The following NALF1 variants were observed in gnomAD, a reference collection of about 807,000 sequenced individuals.
The protein encoded by NALF1 is NALCN channel auxiliary factor 1.
Under a neutral mutation model 48.4 loss-of-function variants are expected in NALF1, and 3 were observed. That is an observed-to-expected ratio of 0.06 (90% confidence interval 0.03 to 0.16). The LOEUF (loss-of-function observed/expected upper bound fraction) is 0.16, where lower values mean the gene tolerates loss of function less well. NALF1 is among the 10% of genes least tolerant of loss of function. The pLI is 1.00. For missense variants in NALF1, 526 were observed against 571.5 expected (o/e 0.92, Z 0.81); for synonymous variants, 262 against 245.7 (o/e 1.07, Z -0.62).
intron 1 of NALF1, among the ~76,000 whole-genome samples, chr13:107,692,507 T>G (rs1257446949): frequency 6.6e-6 from 1 of 152,194 alleles, no homozygotes; most frequent in Non-Finnish European, 1.5e-5. Flanking sequence ...TATGCCAATC[T>G]GGCCCAGCTT....
At chr13:107,693,334 GGGC>G (rs1881612086) in intron 1 of NALF1, among the ~76,000 whole-genome samples, 1 of 124,174 alleles carries the variant, frequency 8.1e-6, no homozygotes, top group South Asian at 2.8e-4. Flanking sequence ...AGGGTAGGGG[GGGC>G]GGGAGGGATA....
At chr13:107,454,208 T>C (rs1445415594) in intron 1 of NALF1, among the ~76,000 whole-genome samples, 2 of 152,164 alleles carry the variant, frequency 1.3e-5, no homozygotes, top group South Asian at 2.1e-4. Context: ...CGGGTATCTT[T>C]ATAGTAGCAC....
chr13:107,866,561 G>T lies in NALF1; in HGVS notation c.36C>A (p.Asp12Glu), dbSNP rs147671709. Residue 12 changes from aspartate (D) to glutamate (E), a missense_variant, in exon 1 of 3, where the codon GAC (aspartate) becomes GAA (glutamate). Asp to Glu is a conservative substitution (Grantham distance 45). Transcript: ENST00000375915. This position sits in a 1 kb window ranked among gnomAD's most constrained non-coding sequence, Gnocchi z 4.4. ...CTGCCAACCAGATTTTTAAGCCGTC[G>T]TCATACTGCCGACACATCCAAGCAC... ...TRGAWMCRQY[D>E]DGLKIWLAAP... 1.2e-6 allele frequency: 2 copies of T among 1,611,660 alleles called. No homozygotes were observed. The highest frequency in any genetic ancestry group is 1.7e-6 in the Non-Finnish European group (2 of 1,179,886).
At chr13:107,828,961 A>C (rs1345495137) in intron 1 of NALF1, among the ~76,000 whole-genome samples, 1 of 152,164 alleles carries the variant, frequency 6.6e-6, no homozygotes, top group East Asian at 1.9e-4. Flanking sequence ...GATTATGTGC[A>C]CTGTTTTATT....
At chr13:107,590,419 T>C (rs547837167) in intron 1 of NALF1, among the ~76,000 whole-genome samples, 1 of 152,144 alleles carries the variant, frequency 6.6e-6, no homozygotes, top group Middle Eastern at 3.4e-3. Context: ...CTCAACAAGT[T>C]TGTCCATTGG....
chr13:107,855,599 C>G (rs1880423877), intron 1 of NALF1, among the ~76,000 whole-genome samples: 1 of 152,110 alleles, frequency 6.6e-6, no homozygotes, highest in Non-Finnish European at 1.5e-5. Context: ...CCCTCTAAAA[C>G]AAAAACAAAA....
At chr13:107,296,296 AT>A (rs755128415) in intron 1 of NALF1, among the ~76,000 whole-genome samples, 1 of 152,234 alleles carries the variant, frequency 6.6e-6, no homozygotes. Flanking sequence ...TTTCAAATGT[AT>A]CAGAATAATA....
rs151205853 is a variant in NALF1 at position 107,546,034 on chromosome 13, A to G, written c.915+319648T>C. Among the ~76,000 whole-genome samples, 7 of 152,142 alleles carry G rather than the reference A, an allele frequency of 4.6e-5. No individual in the cohort carries two copies. The East Asian group carries it at 1.4e-3, about 30-fold the overall frequency. On this transcript the variant is annotated intron_variant, in intron 1 of 2. Coordinates refer to ENST00000375915, the MANE Select transcript of NALF1 (RefSeq NM_001080396.3). Reference sequence around the variant, plus strand: ...TTCTGGGCTCTGGGTCAAGCATTGGAGAACATTTTTTCAGCTTTCCCCAGG... The same window carrying G: ...TTCTGGGCTCTGGGTCAAGCATTGGGGAACATTTTTTCAGCTTTCCCCAGG...
chr13:107,652,842 G>T (rs1880480911), intron 1 of NALF1, among the ~76,000 whole-genome samples: 1 of 152,050 alleles, frequency 6.6e-6, no homozygotes, highest in African/African-American at 2.4e-5. Context: ...TTTCTCCTTG[G>T]AATTACTTTT....
chr13:107,815,971 T>C (rs1879151388), intron 1 of NALF1, among the ~76,000 whole-genome samples: 1 of 152,068 alleles, frequency 6.6e-6, no homozygotes, highest in South Asian at 2.1e-4. Flanking sequence ...TGCCTAGGAT[T>C]GGGGGTATTA....
At chr13:107,543,781 A>G (rs1877060769) in intron 1 of NALF1, among the ~76,000 whole-genome samples, 1 of 152,040 alleles carries the variant, frequency 6.6e-6, no homozygotes, top group Non-Finnish European at 1.5e-5. Context: ...TTATACATGT[A>G]TATGTGTATA....
intron 1 of NALF1, among the ~76,000 whole-genome samples, chr13:107,845,945 T>G (rs1158182444): frequency 6.6e-6 from 1 of 152,148 alleles, no homozygotes; most frequent in African/African-American, 2.4e-5. Context: ...TGTACCTAAA[T>G]ATAATTCAAA....
intron 1 of NALF1, among the ~76,000 whole-genome samples, chr13:107,553,459 A>G (rs1877357929): frequency 6.6e-6 from 1 of 152,214 alleles, no homozygotes; most frequent in South Asian, 2.1e-4. Flanking sequence ...TGTTCCAGGA[A>G]TTATAAGAGA....
intron 1 of NALF1, among the ~76,000 whole-genome samples, chr13:107,501,891 A>C (rs548927973): frequency 2.0e-5 from 3 of 152,194 alleles, no homozygotes; most frequent in South Asian, 2.1e-4. Context: ...TAAACAAATG[A>C]AAAACGATTT....
At chr13:107,598,536 A>AT (rs1878823237) in intron 1 of NALF1, among the ~76,000 whole-genome samples, 1 of 152,180 alleles carries the variant, frequency 6.6e-6, no homozygotes, top group Non-Finnish European at 1.5e-5. Flanking sequence ...ATCAAATTTA[A>AT]TGTGTCTAAA....
Position 107,179,956 on chromosome 13 carries a change from G to A in NALF1, c.1088-9170C>T, listed in dbSNP as rs926120360. 3.5e-5 allele frequency among the ~76,000 whole-genome samples: 5 copies of A among 143,762 alleles called. 1 individual carries two copies. Among genetic ancestry groups the A allele is most frequent in the Middle Eastern group, 7.0e-3 (2 of 286 alleles). 94.3% of individuals were successfully genotyped at this position (143,762 alleles called of 152,430 possible). A position where few individuals can be genotyped will look rare whatever the true frequency, so the allele number is the denominator to read the frequency against. ...TGGATCCCAGGCCCACCGCAATCTAGTATGGCCTCATTTTAACTTAATGAA... is the reference window on the plus strand; with the variant it reads ...TGGATCCCAGGCCCACCGCAATCTAATATGGCCTCATTTTAACTTAATGAA... On this transcript the variant is annotated intron_variant, in intron 2 of 2. Coordinates refer to ENST00000375915, the MANE Select transcript of NALF1 (RefSeq NM_001080396.3).
intron 1 of NALF1, among the ~76,000 whole-genome samples, chr13:107,435,895 G>C (rs61965878): frequency 6.6e-6 from 1 of 152,118 alleles, no homozygotes; most frequent in Non-Finnish European, 1.5e-5. Context: ...TTAACCTGGG[G>C]CTGAGTTTTC....
intron 1 of NALF1, among the ~76,000 whole-genome samples, chr13:107,853,630 C>T (rs1880373087): frequency 6.6e-6 from 1 of 152,038 alleles, no homozygotes; most frequent in African/African-American, 2.4e-5. Context: ...TACTGCAATA[C>T]CACAAATTAA....
At chr13:107,764,150 T>C (rs539014587) in intron 1 of NALF1, among the ~76,000 whole-genome samples, 2 of 152,180 alleles carry the variant, frequency 1.3e-5, no homozygotes, top group African/African-American at 4.8e-5. Flanking sequence ...GAAGAGGAAA[T>C]AAAAAGGCAA....
Sources: allele counts gnomAD v4.1 joint callset (sites outside exome capture counted in the v4.1 genomes callset), GRCh38; gene constraint gnomAD v4.1.1; non-coding constraint Gnocchi (gnomAD v3.1); transcripts MANE v1.5; gene names NCBI Gene and HGNC (gene_info 2026-07-23, HGNC 2026-07-21).